RALGAPB: variants seen among roughly 807,000 people sequenced by gnomAD.
The protein encoded by RALGAPB is ral GTPase-activating protein subunit beta.
Under a neutral mutation model 161.1 loss-of-function variants are expected in RALGAPB, and 25 were observed. That is an observed-to-expected ratio of 0.16 (90% confidence interval 0.11 to 0.22). The LOEUF is 0.22. Among genes scored for constraint, RALGAPB ranks in the 10% least tolerant of loss-of-function variants. RALGAPB has a pLI of 1.00. For missense variants in RALGAPB, 1,391 were observed against 1,815.2 expected (o/e 0.77, Z 4.25); for synonymous variants, 629 against 626.1 (o/e 1.00, Z -0.07).
intron 5 of RALGAPB, among the ~76,000 whole-genome samples, chr20:38,504,230 CAG>C (rs1485612326): frequency 6.6e-6 from 1 of 152,100 alleles, no homozygotes; most frequent in East Asian, 1.9e-4. Context: ...GGTACAAAAA[CAG>C]ATATATAAAC....
At chr20:38,499,684 G>C (rs773655916) in intron 5 of RALGAPB, 51 bp downstream of exon 5, 2 of 1,517,744 alleles carry the variant, frequency 1.3e-6, no homozygotes, top group South Asian at 1.3e-5. Context: ...ACCTTAGGCA[G>C]CTTTCTGGCA....
At chr20:38,573,142 G>A (rs1478868847) in intron 28 of RALGAPB, among the ~76,000 whole-genome samples, 2 of 151,444 alleles carry the variant, frequency 1.3e-5, no homozygotes, top group Admixed American at 6.6e-5. Context: ...ATGTTACCCA[G>A]GCTGGTCTCG....
chr20:38,523,986 G>C (rs2086377014), intron 10 of RALGAPB, among the ~76,000 whole-genome samples: 1 of 152,182 alleles, frequency 6.6e-6, no homozygotes, highest in African/African-American at 2.4e-5. Context: ...GAGTTCTAGG[G>C]AGAGAGATAG....
At chr20:38,492,355 G>T (rs1217797326) in intron 2 of RALGAPB, among the ~76,000 whole-genome samples, 2 of 152,154 alleles carry the variant, frequency 1.3e-5, no homozygotes, top group East Asian at 3.8e-4. Flanking sequence ...GCAGCTAAAT[G>T]CCTTGTTAAG....
In RALGAPB at chr20:38,576,107, C is replaced by T. The variant is rs939026280; in HGVS notation, c.*1140C>T. The T allele has an allele frequency of 6.6e-6, 1 of 152,462 alleles. No individual in the cohort carries two copies. Among genetic ancestry groups the T allele is most frequent in the Non-Finnish European group, 1.5e-5 (1 of 68,046 alleles). 9.4% of individuals were successfully genotyped at this position (152,462 alleles called of 1,614,324 possible). ...GGTTTTGGAAATACTTCTATTACCTCGCTGCTACTTTTCTGCAGGGATAAA... is the reference window on the plus strand; with the variant it reads ...GGTTTTGGAAATACTTCTATTACCTTGCTGCTACTTTTCTGCAGGGATAAA... On this transcript the variant is annotated 3_prime_UTR_variant, in exon 30 of 30. Transcript: ENST00000262879.
rs1255051724 is a variant in RALGAPB, at chr20:38,567,163, T to C, written c.3885T>C (p.Ile1295=). The C allele has an allele frequency of 6.2e-7, 1 of 1,613,770 alleles. No homozygotes were observed. The highest frequency in any genetic ancestry group is 8.5e-7 in the Non-Finnish European group (1 of 1,179,758). Residue 1295 remains isoleucine (I), a synonymous_variant, in exon 26 of 30, where the codon ATT becomes ATC. Coordinates refer to ENST00000262879, the MANE Select transcript of RALGAPB (RefSeq NM_020336.4). The part of the protein sequence containing the change: ...SDSNMDLMPG[I]LKQPSLTLEL... ...CAAATATGGATCTTATGCCAGGAATTCTGAAACAGCCATCCCTGACACTTG... is the reference window on the plus strand; with the variant it reads ...CAAATATGGATCTTATGCCAGGAATCCTGAAACAGCCATCCCTGACACTTG...
intron 16 of RALGAPB, among the ~76,000 whole-genome samples, chr20:38,535,846 A>G (rs1230451891): frequency 6.6e-6 from 1 of 152,112 alleles, no homozygotes; most frequent in Non-Finnish European, 1.5e-5. Flanking sequence ...TGGCCTCCCA[A>G]AGTGCTAGGA....
In RALGAPB at chr20:38,507,485, C is replaced by A. The variant is rs560499531; in HGVS notation, c.741-1592C>A. Among the ~76,000 whole-genome samples, 279 of 152,124 alleles carry A rather than the reference C, an allele frequency of 1.8e-3. 5 individuals carry two copies. The highest frequency in any genetic ancestry group is 7.6e-4 in the Non-Finnish European group (52 of 68,004). On this transcript the variant is annotated intron_variant, in intron 5 of 29. Coordinates refer to ENST00000262879, the MANE Select transcript of RALGAPB (RefSeq NM_020336.4). ...CCTCCCCAGGCTCAAACAATCCTCTCACCTCAGCCTCCCATGGCAGCTGGG... is the reference window on the plus strand; with the variant it reads ...CCTCCCCAGGCTCAAACAATCCTCTAACCTCAGCCTCCCATGGCAGCTGGG...
intron 6 of RALGAPB, among the ~76,000 whole-genome samples, chr20:38,510,131 T>TACACACACACACACACAC (rs34759480): frequency 6.8e-6 from 1 of 146,168 alleles, no homozygotes; most frequent in Non-Finnish European, 1.5e-5. Flanking sequence ...CACACGCACA[T>TACACACACACACACACAC]ACACACACAC....
chr20:38,495,458 T>A (rs1193190721), intron 3 of RALGAPB, among the ~76,000 whole-genome samples: 1 of 152,242 alleles, frequency 6.6e-6, no homozygotes, highest in Non-Finnish European at 1.5e-5. Flanking sequence ...GCAGGTCATA[T>A]AGTGTTATAA....
Position 38,505,661 on chromosome 20 carries a change from A to G in RALGAPB, c.741-3416A>G, listed in dbSNP as rs533279529. Among the ~76,000 whole-genome samples the G allele has an allele frequency of 7.2e-5, 11 of 152,336 alleles. No individual in the cohort carries two copies. The South Asian group carries it at 2.3e-3, about 32-fold the overall frequency. ...ATTTTTAAATTAAGGATGTGCATTG[A>G]TTTTTAAACATATAATCCTATTGCA... On this transcript the variant is annotated intron_variant, in intron 5 of 29. Transcript: ENST00000262879.
rs543994935 is a variant in RALGAPB, at chr20:38,535,438, A to G, written c.2379+231A>G. 3.3e-5 allele frequency among the ~76,000 whole-genome samples: 5 copies of G among 152,372 alleles called. No homozygotes were observed. In the East Asian group the frequency reaches 9.6e-4, roughly 29 times the overall value. On this transcript the variant is annotated intron_variant, in intron 16 of 29. Transcript: ENST00000262879. The stretch of plus-strand genomic sequence containing the variant: ...AATGAGATTTTTACCGTTAAATTAT[A>G]GGAAACATTTCAATACTTGCCATTT...
chr20:38,505,318 C>T (rs2085729317), intron 5 of RALGAPB, among the ~76,000 whole-genome samples: 2 of 152,154 alleles, frequency 1.3e-5, no homozygotes. Flanking sequence ...AGTGAATTAA[C>T]ACAGGAACAG....
chr20:38,564,468 A>ATT (rs1333070027), intron 24 of RALGAPB, among the ~76,000 whole-genome samples: 3 of 152,124 alleles, frequency 2.0e-5, no homozygotes, highest in African/African-American at 7.2e-5. Flanking sequence ...TCGGTGAGAA[A>ATT]TTTTTAATTT....
intron 6 of RALGAPB, among the ~76,000 whole-genome samples, chr20:38,511,519 G>C (rs1185373134): frequency 1.3e-5 from 2 of 151,854 alleles, no homozygotes; most frequent in African/African-American, 4.8e-5. Context: ...TTGAGATTAG[G>C]GAGTGGTGAT....
At chr20:38,487,965 C>G (rs1433410627) in intron 1 of RALGAPB, among the ~76,000 whole-genome samples, 1 of 152,116 alleles carries the variant, frequency 6.6e-6, no homozygotes, top group African/African-American at 2.4e-5. Flanking sequence ...ACTCAGGACG[C>G]TGAGGCAGGA....
rs553511273 is a variant in RALGAPB, at chr20:38,526,342, C to A, written c.2050+300C>A. On this transcript the variant is annotated intron_variant, in intron 13 of 29. Transcript: ENST00000262879. ...CCATCCCTCTCTTCTTTCCTCCTTT[C>A]TTCCTGCTCTCCTTCCTCCTGCCTC... 3.9e-5 allele frequency among the ~76,000 whole-genome samples: 6 copies of A among 152,162 alleles called. No homozygotes were observed. In the South Asian group the frequency reaches 1.0e-3, roughly 26 times the overall value.
At chr20:38,566,982 A>G in intron 25 of RALGAPB, 114 bp from the exon 26 acceptor site, 1 of 1,449,514 alleles carries the variant, frequency 6.9e-7, no homozygotes. Flanking sequence ...TTGCTCTCGA[A>G]GCAATGCTTT....
At chr20:38,519,470 C>G (rs183030221) in intron 9 of RALGAPB, among the ~76,000 whole-genome samples, 6 of 152,210 alleles carry the variant, frequency 3.9e-5, no homozygotes, top group Admixed American at 3.9e-4. Flanking sequence ...ATCTGTGAAT[C>G]TAGAATGGCT....
Sources: allele counts gnomAD v4.1 joint callset (sites outside exome capture counted in the v4.1 genomes callset), GRCh38; gene constraint gnomAD v4.1.1; transcripts MANE v1.5; gene names NCBI Gene and HGNC (gene_info 2026-07-23, HGNC 2026-07-21).